Variants in CUL1 observed in about 807,000 individuals in gnomAD.
The protein encoded by CUL1 is cullin-1.
Under a neutral mutation model 118.0 loss-of-function variants are expected in CUL1, and 24 were observed. The observed-to-expected ratio is 0.20, with a 90% CI of 0.15 to 0.29. The LOEUF is 0.29. Ranked by LOEUF, CUL1 falls within the 10% of genes least tolerant of loss-of-function variation. The probability of loss-of-function intolerance (pLI) is 1.00; values close to 1 mark genes in which losing one functional copy is unlikely to be tolerated. For missense variants in CUL1, 361 were observed against 933.8 expected (o/e 0.39, Z 7.99); for synonymous variants, 332 against 340.4 (o/e 0.98, Z 0.27).
At chr7:148,710,777 C>T (rs948818671) in intron 1 of CUL1, among the ~76,000 whole-genome samples, 14 of 151,802 alleles carry the variant, frequency 9.2e-5, no homozygotes, top group African/African-American at 3.1e-4. Context: ...AATTCTCCTG[C>T]GTCAGCCTCC....
chr7:148,796,508 G>C (rs1801204805), intron 17 of CUL1, among the ~76,000 whole-genome samples: 1 of 152,108 alleles, frequency 6.6e-6, no homozygotes, highest in African/African-American at 2.4e-5. Context: ...TGACTATTTT[G>C]TAATCATTCT....
intron 9 of CUL1, among the ~76,000 whole-genome samples, chr7:148,772,762 T>G (rs1455922701): frequency 2.0e-5 from 3 of 152,182 alleles, no homozygotes; most frequent in East Asian, 3.8e-4. Flanking sequence ...CTGTGTAGCA[T>G]GAGTCACCCT....
At chr7:148,791,421 C>G (rs561578680) in intron 16 of CUL1, among the ~76,000 whole-genome samples, 1 of 152,302 alleles carries the variant, frequency 6.6e-6, no homozygotes, top group Non-Finnish European at 1.5e-5. Context: ...TATGCTGGCT[C>G]CAGAGGTCTT....
chr7:148,752,116 A>T (rs1352832057), intron 2 of CUL1, among the ~76,000 whole-genome samples: 1 of 152,252 alleles, frequency 6.6e-6, no homozygotes, highest in East Asian at 1.9e-4. Context: ...CATCTCAAAA[A>T]AAACAAAACA....
chr7:148,714,528 A>G (rs775246907), intron 1 of CUL1, among the ~76,000 whole-genome samples: 13 of 152,212 alleles, frequency 8.5e-5, no homozygotes, highest in Non-Finnish European at 1.8e-4. Context: ...AAAACTTAAA[A>G]ATGAATGAAC....
intron 2 of CUL1, among the ~76,000 whole-genome samples, chr7:148,735,421 A>G (rs1798906937): frequency 6.6e-6 from 1 of 152,218 alleles, no homozygotes; most frequent in African/African-American, 2.4e-5. Flanking sequence ...CTTCCCTTCC[A>G]TAGGAGCTGC....
intron 17 of CUL1, among the ~76,000 whole-genome samples, chr7:148,794,666 C>T (rs1801125020): frequency 6.6e-6 from 1 of 152,150 alleles, no homozygotes; most frequent in East Asian, 1.9e-4. Flanking sequence ...GTATTGCCAT[C>T]TCAGCAGTAT....
At chr7:148,795,987 T>C (rs1462551623) in intron 17 of CUL1, among the ~76,000 whole-genome samples, 1 of 152,194 alleles carries the variant, frequency 6.6e-6, no homozygotes, top group Non-Finnish European at 1.5e-5. Flanking sequence ...TTTGTTTGTC[T>C]TTGTTTTTGC....
At chr7:148,745,086 G>A (rs1036144365) in intron 2 of CUL1, among the ~76,000 whole-genome samples, 6 of 151,562 alleles carry the variant, frequency 4.0e-5, no homozygotes, top group Non-Finnish European at 5.9e-5. Flanking sequence ...AGAGTTGATC[G>A]TTTCTGTTGG....
intron 1 of CUL1, among the ~76,000 whole-genome samples, chr7:148,718,185 C>T (rs1798277402): frequency 6.6e-6 from 1 of 152,218 alleles, no homozygotes; most frequent in Admixed American, 6.5e-5. Flanking sequence ...AGCTAGCATG[C>T]TTTAAGTCTG....
At chr7:148,783,624 C>T (rs1042464374) in intron 9 of CUL1, 159 bp from the exon 10 acceptor site, 1 of 1,534,520 alleles carries the variant, frequency 6.5e-7, no homozygotes, top group African/African-American at 1.4e-5. Flanking sequence ...TGTGTTTCAA[C>T]GATGGTACCA....
At chr7:148,760,772 T>C (rs551172009) in intron 7 of CUL1, among the ~76,000 whole-genome samples, 4 of 152,372 alleles carry the variant, frequency 2.6e-5, no homozygotes, top group African/African-American at 4.8e-5. Flanking sequence ...AATGTGGATT[T>C]ATATAAAATG....
At chr7:148,746,940 TTAAC>T (rs1395653717) in intron 2 of CUL1, among the ~76,000 whole-genome samples, 2 of 152,248 alleles carry the variant, frequency 1.3e-5, no homozygotes, top group Non-Finnish European at 1.5e-5. Context: ...GAGAGTGGGT[TTAAC>T]TAAGTTTGAC....
rs79808803 is a variant in CUL1 at position 148,798,427 on chromosome 7, A to G, written c.2031-145A>G. 260 of 637,720 alleles carry G rather than the reference A, an allele frequency of 4.1e-4. No individual in the cohort carries two copies. The African/African-American group carries it at 4.3e-3, about 11-fold the overall frequency. 39.5% of individuals were successfully genotyped at this position (637,720 alleles called of 1,614,324 possible). ...CTCTACCCAGTGCTGGGTAGAGGAC[A>G]TTTTCACGGAGAGCTCACAGAAATC... is the stretch of plus-strand genomic sequence containing the variant. On this transcript the variant is annotated intron_variant, in intron 19 of 21. Coordinates refer to ENST00000325222, the MANE Select transcript of CUL1 (RefSeq NM_003592.3).
intron 9 of CUL1, among the ~76,000 whole-genome samples, chr7:148,778,242 C>A (rs1427306965): frequency 1.3e-5 from 2 of 151,864 alleles, no homozygotes; most frequent in African/African-American, 2.4e-5. Flanking sequence ...GTAGAAAAGG[C>A]CTATTAAGAA....
chr7:148,732,330 C>T (rs902427511), intron 2 of CUL1, among the ~76,000 whole-genome samples: 38 of 151,434 alleles, frequency 2.5e-4, no homozygotes, highest in Admixed American at 7.3e-4. Context: ...AATTAATATG[C>T]CTTGTAAGTC....
Position 148,800,371 on chromosome 7 carries a change from C to T in CUL1, c.2251-131C>T, listed in dbSNP as rs59586477. 0.065 allele frequency: 44,235 copies of T among 679,574 alleles called. 1,772 individuals carry two copies. The highest frequency in any genetic ancestry group is 0.11 in the Middle Eastern group (350 of 3,114). The allele number at this position is 679,574 out of a possible 1,614,324, so 42.1% of individuals were successfully genotyped here. ...AAACTCTATGCTAACAGATCTGGGG[C>T]GGGGACACTGCTCCCCACTGAGCTC... is the stretch of plus-strand genomic sequence containing the variant. On this transcript the variant is annotated intron_variant, in intron 21 of 21. Coordinates refer to ENST00000325222, the MANE Select transcript of CUL1 (RefSeq NM_003592.3). The surrounding 1 kb of genome is among the most constrained non-coding windows in gnomAD (Gnocchi z 4.6).
At chr7:148,726,560 C>G (rs1398630522) in intron 1 of CUL1, among the ~76,000 whole-genome samples, 1 of 152,106 alleles carries the variant, frequency 6.6e-6, no homozygotes, top group Non-Finnish European at 1.5e-5. Context: ...CTATGACTTA[C>G]AGTGGTTTCA....
At chr7:148,701,259 A>G (rs1797714204) in intron 1 of CUL1, among the ~76,000 whole-genome samples, 1 of 152,140 alleles carries the variant, frequency 6.6e-6, no homozygotes, top group Non-Finnish European at 1.5e-5. Flanking sequence ...CCGGTTAAGA[A>G]TTCAAGCTTT....
Sources: gnomAD v4.1 joint callset for allele counts (sites outside exome capture counted in the v4.1 genomes callset) on GRCh38, gnomAD v4.1.1 for gene constraint, Gnocchi (gnomAD v3.1) non-coding constraint, MANE v1.5 for transcripts, NCBI Gene and HGNC (gene_info 2026-07-23, HGNC 2026-07-21) for gene names.